The following MYOZ3 variants were observed in gnomAD, a reference collection of about 807,000 sequenced individuals.
MYOZ3 encodes myozenin-3.
Under a neutral mutation model 26.5 loss-of-function variants are expected in MYOZ3, and 19 were observed. That is an observed-to-expected ratio of 0.72 (90% CI 0.50 to 1.05). MYOZ3 has a LOEUF of 1.05. MYOZ3 is among the 50% of genes least tolerant of loss of function. The pLI is 0.00. For missense variants in MYOZ3, 322 were observed against 337.1 expected (o/e 0.96, Z 0.35); for synonymous variants, 135 against 138.8 (o/e 0.97, Z 0.19).
intron 2 of MYOZ3, among the ~76,000 whole-genome samples, chr5:150,669,710 A>G (rs1317236697): frequency 2.3e-5 from 3 of 131,506 alleles, no homozygotes; most frequent in African/African-American, 9.0e-5. Flanking sequence ...CAGCAATGCA[A>G]TCTCGGCTTA....
rs1209486192 is a variant in MYOZ3, at chr5:150,661,420, CCT to C, written c.-5_-4del. 6.6e-6 allele frequency: 1 copy of C among 152,400 alleles called. No individual in the cohort carries two copies. The highest frequency in any genetic ancestry group is 2.4e-5 in the African/African-American group (1 of 41,454). 9.4% of individuals were successfully genotyped at this position (152,400 alleles called of 1,614,324 possible). On this transcript the variant is annotated 5_prime_UTR_variant, in exon 1 of 7. Coordinates refer to ENST00000517768, the MANE Select transcript of MYOZ3 (RefSeq NM_001122853.3). ...TCCCTCCTGCCTATTGTGGTCCCAT[CCT>C]CTCAGGTACCAGCATCCTAGGGGAG... is the stretch of plus-strand genomic sequence containing the variant.
At position 150,676,896 on chromosome 5, in the gene MYOZ3, T is replaced by G; in HGVS notation, c.*21T>G. 6.3e-7 allele frequency: 1 copy of G among 1,581,522 alleles called. No homozygotes were observed. The highest frequency in any genetic ancestry group is 2.3e-5 in the East Asian group (1 of 44,218). ...TGTAGCCCTAGCCTGAATCTTCAGT[T>G]CCCCAGTCTCGGGGGCCTGGTAACA... On this transcript the variant is annotated 3_prime_UTR_variant, in exon 7 of 7. Transcript: ENST00000517768.
chr5:150,677,827 G>A lies in MYOZ3; in HGVS notation c.*952G>A, dbSNP rs760496942. On this transcript the variant is annotated 3_prime_UTR_variant, in exon 7 of 7. Transcript: ENST00000517768. ...AAAGTGTTGTGGAGCAGAAGAAGGAGTCCCTCACCCTAGGTGTGAGATGGG... is the reference window on the plus strand; with the variant it reads ...AAAGTGTTGTGGAGCAGAAGAAGGAATCCCTCACCCTAGGTGTGAGATGGG... The A allele has an allele frequency of 9.2e-5, 14 of 152,240 alleles. No homozygotes were observed. The highest frequency in any genetic ancestry group is 1.9e-4 in the African/African-American group (8 of 41,518). The allele number at this position is 152,240 out of a possible 1,614,324, so 9.4% of individuals were successfully genotyped here.
At chr5:150,669,034 T>C (rs1477862624) in intron 2 of MYOZ3, 2 of 152,252 alleles carry the variant, frequency 1.3e-5, no homozygotes, top group Non-Finnish European at 2.9e-5. Flanking sequence ...TCAAACTTAG[T>C]GTGCCCAGTT....
intron 5 of MYOZ3, 177 bp from the exon 6 acceptor site, chr5:150,672,163 T>C (rs1758926239): frequency 2.8e-6 from 3 of 1,085,938 alleles, no homozygotes; most frequent in Non-Finnish European, 4.1e-6. Context: ...CCGTGTTTCC[T>C]GGGATGGGGA....
In MYOZ3 at chr5:150,671,874, T is replaced by G; in HGVS notation, c.390T>G (p.Ala130=). 1 of 1,587,774 alleles carries G rather than the reference T, an allele frequency of 6.3e-7. No individual in the cohort carries two copies. Among genetic ancestry groups the G allele is most frequent in the South Asian group, 1.1e-5 (1 of 88,756 alleles). The change falls in exon 5 of 7, where the codon GCT becomes GCG. Residue 130 remains alanine, a synonymous_variant. Coordinates refer to ENST00000517768, the MANE Select transcript of MYOZ3 (RefSeq NM_001122853.3). ...PEGAHPAAAP[A]GCVPSPSALA... ...GCGCCCACCCTGCAGCCGCCCCTGCTGGGTGCGTCCCCAGCCCCAGCGCCC... is the reference window on the plus strand; with the variant it reads ...GCGCCCACCCTGCAGCCGCCCCTGCGGGGTGCGTCCCCAGCCCCAGCGCCC...
chr5:150,665,118 G>A (rs1200340940), intron 2 of MYOZ3, among the ~76,000 whole-genome samples: 1 of 151,718 alleles, frequency 6.6e-6, no homozygotes, highest in African/African-American at 2.4e-5. Flanking sequence ...GACACGTCAT[G>A]TGTGTTTAAC....
rs73276196 is a variant in MYOZ3 at position 150,677,061 on chromosome 5, T to C, written c.*186T>C. On this transcript the variant is annotated 3_prime_UTR_variant, in exon 7 of 7. Transcript: ENST00000517768. ...TGTGTTTCAAAATTACCTGGGGATG[T>C]TGTTCCAAATCCAGACAACTGGACT... The C allele has an allele frequency of 0.037, 21,875 of 593,386 alleles. 2,567 individuals are homozygous for C. Among genetic ancestry groups the C allele is most frequent in the African/African-American group, 0.29 (15,621 of 53,766 alleles). 36.8% of individuals were successfully genotyped at this position (593,386 alleles called of 1,614,324 possible).
chr5:150,672,269 GGGT>G, intron 5 of MYOZ3, 68 bp from the exon 6 acceptor site: 1 of 1,545,272 alleles, frequency 6.5e-7, no homozygotes. Flanking sequence ...CGCGGAATGG[GGGT>G]GGGGCGAGGT....
At chr5:150,667,060 A>G (rs546472443) in intron 2 of MYOZ3, among the ~76,000 whole-genome samples, 3 of 152,244 alleles carry the variant, frequency 2.0e-5, no homozygotes, top group South Asian at 2.1e-4. Context: ...CGCCCGGCCT[A>G]TAAGTGGATT....
At chr5:150,669,173 GGCTCAC>G (rs1758857519) in intron 2 of MYOZ3, 1 of 151,946 alleles carries the variant, frequency 6.6e-6, no homozygotes, top group Non-Finnish European at 1.5e-5. Context: ...CGGGAGCGGT[GGCTCAC>G]GCCTGTAATC....
At chr5:150,670,247 A>G (rs1407182634) in intron 2 of MYOZ3, 4 of 397,138 alleles carry the variant, frequency 1.0e-5, no homozygotes, top group African/African-American at 2.1e-5. Context: ...CAAATGGCCA[A>G]AGAACTTCGG....
chr5:150,671,085 T>C (rs572611685), intron 3 of MYOZ3, among the ~76,000 whole-genome samples: 2 of 152,202 alleles, frequency 1.3e-5, no homozygotes, highest in South Asian at 4.2e-4. Context: ...GTTTTTCCCT[T>C]GGCTTCAGAA....
upstream of MYOZ3, chr5:150,660,987 T>C (rs1023231217): frequency 6.6e-6 from 1 of 152,200 alleles, no homozygotes; most frequent in African/African-American, 2.4e-5. Context: ...TCGACAAATA[T>C]CTGCTGAGTT....
intron 6 of MYOZ3, among the ~76,000 whole-genome samples, chr5:150,674,978 C>G (rs1473492423): frequency 6.6e-6 from 1 of 152,190 alleles, no homozygotes; most frequent in Non-Finnish European, 1.5e-5. Flanking sequence ...CTACTACACT[C>G]TAGCCTGAGT....
intron 1 of MYOZ3, among the ~76,000 whole-genome samples, 166 bp downstream of exon 1, chr5:150,661,593 G>A (rs1353229196): frequency 6.6e-6 from 1 of 152,170 alleles, no homozygotes; most frequent in Non-Finnish European, 1.5e-5. Flanking sequence ...GGAACTCTAA[G>A]CTCTAGGTTA....
Position 150,670,587 on chromosome 5 carries a change from G to A in MYOZ3, c.165G>A (p.Arg55=), listed in dbSNP as rs1259061685. The change falls in exon 3 of 7, where the codon AGG becomes AGA. Residue 55 remains arginine (R), a synonymous_variant. Coordinates refer to ENST00000517768, the MANE Select transcript of MYOZ3 (RefSeq NM_001122853.3). The part of the protein sequence containing the change: ...NNRGSLLFQK[R]QRRVQKFTFE... ...GAGGGTCCCTCCTCTTCCAGAAGAG[G>A]CAGCGCCGTGTGCAGAAGTTCACTT... 6.2e-7 allele frequency: 1 copy of A among 1,613,152 alleles called. No homozygotes were observed. The highest frequency in any genetic ancestry group is 1.1e-5 in the South Asian group (1 of 90,926).
chr5:150,666,628 A>AT lies in MYOZ3; in HGVS notation c.61+3626_61+3627insT, dbSNP rs1308366694. The stretch of plus-strand genomic sequence containing the variant: ...GACTCTGTCTCAAAAAAAAAAAAAA[A>AT]AAATATATATATATATATATACACA... On this transcript the variant is annotated intron_variant, in intron 2 of 6. Transcript: ENST00000517768. Among the ~76,000 whole-genome samples the AT allele has an allele frequency of 2.8e-3, 376 of 133,036 alleles. 3 individuals are homozygous for AT. Among genetic ancestry groups the AT allele is most frequent in the South Asian group, 0.012 (53 of 4,344 alleles). 87.3% of individuals were successfully genotyped at this position (133,036 alleles called of 152,430 possible).
At chr5:150,673,152 C>T (rs1432981049) in intron 6 of MYOZ3, 1 of 152,416 alleles carries the variant, frequency 6.6e-6, no homozygotes, top group African/African-American at 2.4e-5. Flanking sequence ...TGAATGCAGA[C>T]CCCAGGCCTG....
Sources: allele counts gnomAD v4.1 joint callset (sites outside exome capture counted in the v4.1 genomes callset), GRCh38; gene constraint gnomAD v4.1.1; transcripts MANE v1.5; gene names NCBI Gene and HGNC (gene_info 2026-07-23, HGNC 2026-07-21).